The following FAM193B variants were observed in gnomAD, a reference collection of about 807,000 sequenced individuals.
The protein encoded by FAM193B is protein FAM193B.
A neutral mutation model predicts 70.7 loss-of-function variants in FAM193B; 27 were observed. The observed-to-expected ratio is 0.38, with a 90% confidence interval of 0.28 to 0.53. The LOEUF (loss-of-function observed/expected upper bound fraction) is 0.53. Ranked by LOEUF, FAM193B falls within the 20% of genes least tolerant of loss-of-function variation. The probability of loss-of-function intolerance (pLI) is 0.81; values close to 1 mark genes in which losing one functional copy is unlikely to be tolerated. For synonymous variants in FAM193B, 448 were observed against 436.0 expected (o/e 1.03, Z -0.34); for missense variants, 1,022 against 1,072.5 (o/e 0.95, Z 0.66).
chr5:177,524,345 CT>C lies in FAM193B; in HGVS notation c.2135del (p.Lys712ArgfsTer95). The C allele has an allele frequency of 6.3e-7, 1 of 1,577,156 alleles. No homozygotes were observed. The highest frequency in any genetic ancestry group is 8.6e-7 in the Non-Finnish European group (1 of 1,162,268). ...WAGSPKTEKE[K>X]GSSWRNWPGE... Reference sequence around the variant, plus strand: ...CTGGCCAGTTTCGCCAGGAGCTGCCCTTCTCCTTCTCAGTTTTGGGACTGCC... The same window carrying C: ...CTGGCCAGTTTCGCCAGGAGCTGCCCTCTCCTTCTCAGTTTTGGGACTGCC... On this transcript the variant is annotated frameshift_variant, in exon 6 of 9. Transcript: ENST00000514747. LOFTEE classifies it high-confidence loss of function.
At chr5:177,547,163 A>G (rs1292298873) in intron 1 of FAM193B, 1 of 152,228 alleles carries the variant, frequency 6.6e-6, no homozygotes. Context: ...AATTATGTAA[A>G]GTACCTGGCC....
At chr5:177,534,382 C>T (rs1303371256) in intron 4 of FAM193B, among the ~76,000 whole-genome samples, 4 of 151,214 alleles carry the variant, frequency 2.6e-5, no homozygotes, top group Admixed American at 6.6e-5. Flanking sequence ...CTGCAACCTC[C>T]GCCTCCCAGG....
In FAM193B at chr5:177,538,829, T is replaced by C. The variant is rs1764501074; in HGVS notation, c.453+76A>G. The C allele has an allele frequency of 2.5e-6, 4 of 1,578,024 alleles. No homozygotes were observed. Among genetic ancestry groups the C allele is most frequent in the East Asian group, 4.5e-5 (2 of 44,476 alleles). ...TGGGAGCTGCCCAAGGAGAGCCACC[T>C]GAGGACAGGGAACAGCCTGACTTCC... On this transcript the variant is annotated intron_variant, in intron 2 of 8. Coordinates refer to ENST00000514747, the MANE Select transcript of FAM193B (RefSeq NM_001190946.3). This position sits in a 1 kb window ranked among gnomAD's most constrained non-coding sequence, Gnocchi z 4.1.
intron 1 of FAM193B, among the ~76,000 whole-genome samples, chr5:177,541,426 T>C (rs1002580103): frequency 1.3e-5 from 2 of 152,202 alleles, no homozygotes; most frequent in Non-Finnish European, 2.9e-5. Flanking sequence ...TTCTTTTTTT[T>C]TTCTTCTTTT....
At chr5:177,537,536 T>C (rs144122437) in intron 3 of FAM193B, among the ~76,000 whole-genome samples, 148 of 152,362 alleles carry the variant, frequency 9.7e-4, no homozygotes, top group Middle Eastern at 3.4e-3. Flanking sequence ...AGGTCCTCTG[T>C]GGTGCTGCAG....
At chr5:177,523,188 C>T (rs748875352) in intron 7 of FAM193B, 21 of 356,900 alleles carry the variant, frequency 5.9e-5, no homozygotes, top group African/African-American at 2.4e-4. Context: ...TTAGTAGAGA[C>T]GGGGTTTCAC....
chr5:177,554,492 C>CCGCGG lies in FAM193B; in HGVS notation c.-35_-34insCCGCG, dbSNP rs202094018. On this transcript the variant is annotated 5_prime_UTR_variant, in exon 1 of 9. Coordinates refer to ENST00000514747, the MANE Select transcript of FAM193B (RefSeq NM_001190946.3). ...TCGCGCCGCTCCCTCGCTCCACACGCCGCCGCCGCCGCCGCCGCCGCCGCC... is the reference window on the plus strand; with the variant it reads ...TCGCGCCGCTCCCTCGCTCCACACGCCGCGGCGCCGCCGCCGCCGCCGCCGCCGCC... 1.6e-6 allele frequency: 1 copy of CCGCGG among 619,280 alleles called. No individual in the cohort carries two copies. The highest frequency in any genetic ancestry group is 3.4e-5 in the African/African-American group (1 of 29,266). The allele number at this position is 619,280 out of a possible 1,614,324, so 38.4% of individuals were successfully genotyped here.
At chr5:177,552,859 G>C (rs1320620296) in intron 1 of FAM193B, among the ~76,000 whole-genome samples, 1 of 152,192 alleles carries the variant, frequency 6.6e-6, no homozygotes, top group East Asian at 1.9e-4. Context: ...CATGAAAACT[G>C]GGTTACAATA....
At chr5:177,547,738 C>T (rs989676157) in intron 1 of FAM193B, among the ~76,000 whole-genome samples, 3 of 152,124 alleles carry the variant, frequency 2.0e-5, no homozygotes, top group Non-Finnish European at 2.9e-5. Flanking sequence ...TTTAGTTTCC[C>T]TACATCATTT....
At chr5:177,521,120 G>T (rs3805550) in intron 8 of FAM193B, among the ~76,000 whole-genome samples, 15,207 of 152,218 alleles carry the variant, frequency 0.1, 1,048 homozygotes, top group African/African-American at 0.19. Context: ...CAGCCTTCCA[G>T]TCTCCAGGAC....
chr5:177,529,898 G>A (rs1763191099), intron 5 of FAM193B, among the ~76,000 whole-genome samples: 1 of 152,194 alleles, frequency 6.6e-6, no homozygotes, highest in African/African-American at 2.4e-5. Context: ...CCTTCAGAAG[G>A]CAGCGGTGGG....
intron 1 of FAM193B, among the ~76,000 whole-genome samples, chr5:177,549,140 C>T (rs1765841493): frequency 2.6e-5 from 4 of 151,904 alleles, no homozygotes; most frequent in Admixed American, 2.6e-4. Context: ...AAGCATACCG[C>T]ACTTGTTGGA....
In FAM193B at chr5:177,524,334, C is replaced by A; in HGVS notation, c.2147G>T (p.Trp716Leu). Residue 716 changes from tryptophan (W) to leucine (L), a missense_variant, in exon 6 of 9, where the codon TGG becomes TTG. Coordinates refer to ENST00000514747, the MANE Select transcript of FAM193B (RefSeq NM_001190946.3). ...CTTGGCCTCGCCTGGCCAGTTTCGC[C>A]AGGAGCTGCCCTTCTCCTTCTCAGT... ...PKTEKEKGSSWRNWPGEAKAR... is the reference protein window; with the variant it reads ...PKTEKEKGSSLRNWPGEAKAR... 6.3e-7 allele frequency: 1 copy of A among 1,583,474 alleles called. No homozygotes were observed. Among genetic ancestry groups the A allele is most frequent in the East Asian group, 2.3e-5 (1 of 43,822 alleles).
chr5:177,542,691 A>T (rs1331673299), intron 1 of FAM193B, among the ~76,000 whole-genome samples: 1 of 152,210 alleles, frequency 6.6e-6, no homozygotes, highest in Non-Finnish European at 1.5e-5. Context: ...GCTGAGACTA[A>T]AGGCTCAATT....
At chr5:177,530,125 T>C (rs1477296) in intron 5 of FAM193B, among the ~76,000 whole-genome samples, 15,225 of 151,934 alleles carry the variant, frequency 0.1, 1,048 homozygotes, top group African/African-American at 0.19. Flanking sequence ...GGTGAAGAGG[T>C]AAAGAAGCCA....
intron 5 of FAM193B, among the ~76,000 whole-genome samples, chr5:177,530,653 A>C (rs1284660954): frequency 1.3e-5 from 2 of 152,188 alleles, no homozygotes; most frequent in Non-Finnish European, 2.9e-5. Context: ...GCTTTGATTA[A>C]AACCCTCAGT....
Position 177,537,897 on chromosome 5 carries a change from G to C in FAM193B, c.664C>G (p.Leu222Val), listed in dbSNP as rs778427204. ...CCGGGGATGGTAGGAGGACTCCCAA[G>C]AGAGCTGCCTGGCATGGCCCCACTG... ...HSSGAMPGSS[L>V]GSPPTIPGEA... The change falls in exon 3 of 9, where the codon CTT becomes GTT. Residue 222 changes from leucine (L) to valine (V), a missense_variant. Physicochemically the swap from Leu to Val is conservative, Grantham distance 32 (BLOSUM62 1). Transcript: ENST00000514747. 1.2e-5 allele frequency: 19 copies of C among 1,607,620 alleles called. No homozygotes were observed. The South Asian group carries it at 2.1e-4, about 18-fold the overall frequency.
Position 177,537,889 on chromosome 5 carries a change from A to G in FAM193B, c.672T>C (p.Ser224=), listed in dbSNP as rs1764362865. The G allele has an allele frequency of 6.2e-7, 1 of 1,607,464 alleles. No homozygotes were observed. The highest frequency in any genetic ancestry group is 8.5e-7 in the Non-Finnish European group (1 of 1,176,880). ...GAGACTCACCGGGGATGGTAGGAGG[A>G]CTCCCAAGAGAGCTGCCTGGCATGG... ...SGAMPGSSLG[S]PPTIPGEAFP... Residue 224 remains serine (S), a synonymous_variant, in exon 3 of 9, where the codon AGT becomes AGC. Coordinates refer to ENST00000514747, the MANE Select transcript of FAM193B (RefSeq NM_001190946.3).
intron 8 of FAM193B, among the ~76,000 whole-genome samples, chr5:177,521,350 G>A (rs1455031523): frequency 1.3e-5 from 2 of 152,236 alleles, no homozygotes; most frequent in African/African-American, 4.8e-5. Context: ...GGACCTGTGT[G>A]GGTGGCTGGG....
Sources: allele counts gnomAD v4.1 joint callset (sites outside exome capture counted in the v4.1 genomes callset), GRCh38; gene constraint gnomAD v4.1.1; non-coding constraint Gnocchi (gnomAD v3.1); transcripts MANE v1.5; gene names NCBI Gene and HGNC (gene_info 2026-07-23, HGNC 2026-07-21).